The following CCPG1 variants were observed in gnomAD, a reference collection of about 807,000 sequenced individuals.
CCPG1 encodes cell cycle progression protein 1.
In CCPG1, 46 loss-of-function variants were observed where a neutral mutation model predicts 81.3. The observed-to-expected ratio is 0.57, with a 90% CI of 0.45 to 0.72. The LOEUF (loss-of-function observed/expected upper bound fraction) is 0.72. Among genes scored for constraint, CCPG1 ranks in the 30% least tolerant of loss-of-function variants. CCPG1 has a pLI of 0.00. For missense variants in CCPG1, 902 were observed against 937.6 expected (o/e 0.96, Z 0.50); for synonymous variants, 330 against 305.2 (o/e 1.08, Z -0.85).
chr15:55,372,767 G>A (rs897622425), intron 5 of CCPG1: 5 of 293,456 alleles, frequency 1.7e-5, no homozygotes, highest in African/African-American at 2.3e-5. Context: ...TAATTTAAGT[G>A]CAACTATTTA....
At chr15:55,379,778 A>G (rs1366452622) in intron 3 of CCPG1, among the ~76,000 whole-genome samples, 3 of 152,140 alleles carry the variant, frequency 2.0e-5, no homozygotes, top group African/African-American at 4.8e-5. Flanking sequence ...AAACAGAATG[A>G]TGACTTCACA....
At chr15:55,388,879 G>T (rs969396735) in intron 2 of CCPG1, among the ~76,000 whole-genome samples, 1 of 151,764 alleles carries the variant, frequency 6.6e-6, no homozygotes, top group African/African-American at 2.4e-5. Context: ...GATCAGCCTG[G>T]CCAAGATGGT....
At chr15:55,379,160 A>ATGTGTGTGTGTGTGTGTGTGTG (rs2056626835) in intron 3 of CCPG1, among the ~76,000 whole-genome samples, 1 of 70,784 alleles carries the variant, frequency 1.4e-5, no homozygotes, top group African/African-American at 6.9e-5. Context: ...ATGTATATGT[A>ATGTGTGTGTGTGTGTGTGTGTG]CGTGTGTGTG....
chr15:55,357,452 A>G (rs1316884703), intron 8 of CCPG1: 3 of 984,870 alleles, frequency 3.0e-6, no homozygotes, highest in East Asian at 1.1e-4. Flanking sequence ...CTACCAATAC[A>G]TTAGTCCCAC....
Position 55,377,160 on chromosome 15 carries a change from C to T in CCPG1, c.253-10G>A. 6.3e-7 allele frequency: 1 copy of T among 1,595,742 alleles called. No homozygotes were observed. On this transcript the variant is annotated splice_polypyrimidine_tract_variant and intron_variant, in intron 4 of 8. Coordinates refer to ENST00000442196, the MANE Select transcript of CCPG1 (RefSeq NM_001204450.2). ...TCTTTTGTTCCTCTGCCTGAAGAAT[C>T]ATAATTTTAGAGATGGTAAGTTCAA...
intron 2 of CCPG1, 38 bp from the exon 3 acceptor site, chr15:55,385,752 T>C (rs1024466375): frequency 1.8e-5 from 20 of 1,117,304 alleles, no homozygotes; most frequent in African/African-American, 4.6e-5. Flanking sequence ...ATTTGCCTAT[T>C]AGCTCCTCAA....
At chr15:55,382,991 G>C (rs1437267349) in intron 3 of CCPG1, among the ~76,000 whole-genome samples, 1 of 152,164 alleles carries the variant, frequency 6.6e-6, no homozygotes, top group Non-Finnish European at 1.5e-5. Flanking sequence ...CATCTAGAAT[G>C]GTGAATCCTT....
chr15:55,358,942 T>A (rs1207450235), intron 8 of CCPG1: 1 of 972,060 alleles, frequency 1.0e-6, no homozygotes, highest in African/African-American at 1.8e-5. Context: ...TTACAGAATA[T>A]AAAGATGAAA....
At chr15:55,374,030 G>A (rs2056507418) in intron 5 of CCPG1, 4 of 381,548 alleles carry the variant, frequency 1.0e-5, no homozygotes, top group Non-Finnish European at 1.4e-5. Context: ...TCCTTTACAA[G>A]AGATTCTGAA....
rs1274364798 is a variant in CCPG1, at chr15:55,408,299, C to A, written c.-88G>T. On this transcript the variant is annotated 5_prime_UTR_variant, in exon 1 of 9. Coordinates refer to ENST00000442196, the MANE Select transcript of CCPG1 (RefSeq NM_001204450.2). ...GGTCACAGCTCGGGCGCCAATGACGCCTCTTATAAAAACAACCTGCTCGCA... is the reference window on the plus strand; with the variant it reads ...GGTCACAGCTCGGGCGCCAATGACGACTCTTATAAAAACAACCTGCTCGCA... 6.5e-6 allele frequency: 1 copy of A among 154,208 alleles called. No homozygotes were observed. The highest frequency in any genetic ancestry group is 6.5e-5 in the Admixed American group (1 of 15,320). 9.6% of individuals were successfully genotyped at this position (154,208 alleles called of 1,614,324 possible). A position where few individuals can be genotyped will look rare whatever the true frequency, so the allele number is the denominator to read the frequency against.
chr15:55,358,398 C>A (rs1168296072), intron 8 of CCPG1: 20 of 985,322 alleles, frequency 2.0e-5, no homozygotes, highest in Non-Finnish European at 2.4e-5. Flanking sequence ...TCTTATCCCA[C>A]CCGCCTTGAA....
chr15:55,387,992 A>G (rs2056836985), intron 2 of CCPG1, among the ~76,000 whole-genome samples: 1 of 151,750 alleles, frequency 6.6e-6, no homozygotes. Context: ...TCTCTACTAA[A>G]AATACAAAAT....
At chr15:55,369,510 G>A (rs1161726830) in intron 6 of CCPG1, among the ~76,000 whole-genome samples, 1 of 151,884 alleles carries the variant, frequency 6.6e-6, no homozygotes, top group Non-Finnish European at 1.5e-5. Context: ...CTCCAGCCTG[G>A]GCAACAAGAG....
intron 3 of CCPG1, among the ~76,000 whole-genome samples, chr15:55,385,235 G>A (rs1379250353): frequency 1.3e-5 from 2 of 152,100 alleles, no homozygotes; most frequent in African/African-American, 4.8e-5. Flanking sequence ...GCACAATCTC[G>A]GCTCACTGCA....
At chr15:55,373,071 A>G (rs1198506177) in intron 5 of CCPG1, 1 of 522,906 alleles carries the variant, frequency 1.9e-6, no homozygotes, top group Non-Finnish European at 3.9e-6. Flanking sequence ...CTGCTCCTTT[A>G]TGAAAATAAT....
At chr15:55,374,203 AT>A (rs2056511764) in intron 5 of CCPG1, 1 of 1,288,952 alleles carries the variant, frequency 7.8e-7, no homozygotes, top group Admixed American at 2.3e-5. Context: ...TGATCATCCC[AT>A]CCCCATATGC....
intron 1 of CCPG1, among the ~76,000 whole-genome samples, chr15:55,392,336 C>T (rs1462387936): frequency 6.6e-6 from 1 of 150,922 alleles, no homozygotes; most frequent in Non-Finnish European, 1.5e-5. Context: ...CTCAGCCTCC[C>T]GAGTAGCGGG....
At chr15:55,380,158 CAT>C (rs1251255837) in intron 3 of CCPG1, among the ~76,000 whole-genome samples, 1 of 148,644 alleles carries the variant, frequency 6.7e-6, no homozygotes, top group African/African-American at 2.5e-5. Flanking sequence ...AATAATATAA[CAT>C]ATAAATTTAT....
intron 6 of CCPG1, among the ~76,000 whole-genome samples, chr15:55,365,959 GA>G (rs2056318934): frequency 6.6e-6 from 1 of 151,824 alleles, no homozygotes; most frequent in Non-Finnish European, 1.5e-5. Flanking sequence ...AATAAAAAAA[GA>G]AAAGTAAATG....
Sources: gnomAD v4.1 joint callset for allele counts (sites outside exome capture counted in the v4.1 genomes callset) on GRCh38, gnomAD v4.1.1 for gene constraint, MANE v1.5 for transcripts, NCBI Gene and HGNC (gene_info 2026-07-23, HGNC 2026-07-21) for gene names.